Variants in CACNB1 observed in about 807,000 individuals in gnomAD.
CACNB1 encodes the protein voltage-dependent L-type calcium channel subunit beta-1.
In CACNB1, 29 loss-of-function variants were observed where a neutral mutation model predicts 71.6. The ratio of observed to expected loss-of-function variants is 0.40; its 90% confidence interval spans 0.30 to 0.55. CACNB1 has a LOEUF of 0.55. Ranked by LOEUF, CACNB1 falls within the 20% of genes least tolerant of loss-of-function variation. CACNB1 has a pLI of 0.38. For synonymous variants in CACNB1, 300 were observed against 319.6 expected (o/e 0.94, Z 0.65); for missense variants, 623 against 801.8 (o/e 0.78, Z 2.69).
At chr17:39,193,285 CAT>C (rs913788156) in intron 2 of CACNB1, 9 of 325,718 alleles carry the variant, frequency 2.8e-5, no homozygotes, top group Middle Eastern at 4.0e-4. Context: ...CATACACACA[CAT>C]ATGCAGACAC....
Position 39,175,148 on chromosome 17 carries a change from C to G in CACNB1, c.*45G>C. 1 of 1,490,378 alleles carries G rather than the reference C, an allele frequency of 6.7e-7. No individual in the cohort carries two copies. The highest frequency in any genetic ancestry group is 9.2e-7 in the Non-Finnish European group (1 of 1,087,788). The allele number at this position is 1,490,378 out of a possible 1,614,324, so 92.3% of individuals were successfully genotyped here. On this transcript the variant is annotated 3_prime_UTR_variant, in exon 14 of 14. Coordinates refer to ENST00000394303, the MANE Select transcript of CACNB1 (RefSeq NM_000723.5). The surrounding 1 kb of genome is among the most constrained non-coding windows in gnomAD (Gnocchi z 4.7). ...GTGTGAGCCCCTCGCTCCCTCCCCTCCCCTGGGCTCAGAGCCCTTCCTCCC... is the reference window on the plus strand; with the variant it reads ...GTGTGAGCCCCTCGCTCCCTCCCCTGCCCTGGGCTCAGAGCCCTTCCTCCC...
chr17:39,177,095 C>T, intron 13 of CACNB1: 2 of 1,395,334 alleles, frequency 1.4e-6, no homozygotes, highest in Admixed American at 6.1e-5. Context: ...AAGACAGCAC[C>T]AGAAGCCCCA....
At chr17:39,193,408 G>T (rs551808487) in intron 2 of CACNB1, 1 of 425,978 alleles carries the variant, frequency 2.3e-6, no homozygotes. Context: ...TTCCTGAGAG[G>T]CTGTTCTACC....
At position 39,175,777 on chromosome 17, in the gene CACNB1, C is replaced by T. The variant is rs2045562326; in HGVS notation, c.1333-120G>A. On this transcript the variant is annotated intron_variant, in intron 13 of 13. Transcript: ENST00000394303. The surrounding 1 kb of genome is among the most constrained non-coding windows in gnomAD (Gnocchi z 4.7). The stretch of plus-strand genomic sequence containing the variant: ...CCGGCCTGGATGAAGAGGGTGCTGG[C>T]TCTAGAGGAGGGGCCCCGGGGACAA... 7 of 845,666 alleles carry T rather than the reference C, an allele frequency of 8.3e-6. No homozygotes were observed. The highest frequency in any genetic ancestry group is 1.3e-5 in the Non-Finnish European group (7 of 559,782). 52.4% of individuals were successfully genotyped at this position (845,666 alleles called of 1,614,324 possible).
At chr17:39,195,719 C>T (rs974355571) in intron 1 of CACNB1, among the ~76,000 whole-genome samples, 1 of 152,168 alleles carries the variant, frequency 6.6e-6, no homozygotes, top group African/African-American at 2.4e-5. Flanking sequence ...CTACAATCCT[C>T]CCCAAGGGGG....
In CACNB1 at chr17:39,191,443, C is replaced by A. The variant is rs756140327; in HGVS notation, c.291+31G>T. ...CAGCCCAGGACTGGGGGAAATCATG[C>A]CAGCACAGCCCCTCCCCACATCTTT... On this transcript the variant is annotated intron_variant, in intron 3 of 13. Coordinates refer to ENST00000394303, the MANE Select transcript of CACNB1 (RefSeq NM_000723.5). 3.2e-6 allele frequency: 5 copies of A among 1,576,032 alleles called. No homozygotes were observed. The Admixed American group carries it at 5.9e-5, about 19-fold the overall frequency.
intron 2 of CACNB1, chr17:39,191,920 A>C: frequency 5.8e-6 from 2 of 344,712 alleles, no homozygotes; most frequent in South Asian, 6.3e-5. Flanking sequence ...ACGAGTCTCT[A>C]CTCCCACTGC....
chr17:39,192,475 G>A (rs2046103516), intron 2 of CACNB1: 1 of 152,452 alleles, frequency 6.6e-6, no homozygotes, highest in African/African-American at 2.4e-5. Flanking sequence ...GGAGGAGGGT[G>A]TGCTCTATAG....
At chr17:39,177,935 A>T (rs2045630109) in intron 12 of CACNB1, 49 bp downstream of exon 12, 1 of 1,454,086 alleles carries the variant, frequency 6.9e-7, no homozygotes, top group South Asian at 1.1e-5. Flanking sequence ...AAACCAGGAC[A>T]ACCCAAATGT....
intron 11 of CACNB1, 46 bp downstream of exon 11, chr17:39,183,667 C>G (rs1490733256): frequency 2.7e-6 from 4 of 1,480,894 alleles, no homozygotes; most frequent in Non-Finnish European, 3.6e-6. Context: ...CCAAGCAGCC[C>G]TTTCAAACCA....
chr17:39,176,424 G>A (rs1200085370), intron 13 of CACNB1, among the ~76,000 whole-genome samples: 1 of 152,172 alleles, frequency 6.6e-6, no homozygotes, highest in Non-Finnish European at 1.5e-5. Context: ...AATGTGATGG[G>A]GGTTAGACCT....
At chr17:39,190,349 C>T (rs1010269368) in intron 3 of CACNB1, among the ~76,000 whole-genome samples, 7 of 152,118 alleles carry the variant, frequency 4.6e-5, no homozygotes, top group Non-Finnish European at 1.0e-4. Context: ...CTCCAGTGAG[C>T]TGTGATCACG....
intron 3 of CACNB1, among the ~76,000 whole-genome samples, chr17:39,190,670 C>A (rs757027107): frequency 2.0e-5 from 3 of 151,596 alleles, no homozygotes; most frequent in African/African-American, 7.3e-5. Context: ...TCAAGTGATC[C>A]GCCCAACCGG....
Position 39,191,477 on chromosome 17 carries a change from G to A in CACNB1, c.288C>T (p.Ala96=), listed in dbSNP as rs749119327. Residue 96 remains alanine (A), a synonymous_variant, in exon 3 of 14, where the codon GCC becomes GCT. Transcript: ENST00000394303. ...CCCCTCCCCACATCTTTCTCACCTT[G>A]GCCTTCTCGAGCTGCGCTAATGCCT... ...ERQALAQLEK[A]KTKPVAFAVR... 4 of 1,601,954 alleles carry A rather than the reference G, an allele frequency of 2.5e-6. No homozygotes were observed. The African/African-American group carries it at 4.1e-5, about 16-fold the overall frequency.
In CACNB1 at chr17:39,191,286, C is replaced by CTT. The variant is rs953378311; in HGVS notation, c.291+186_291+187dup. Reference sequence around the variant, plus strand: ...AGTATAATAACACGCACTTATTATACTTATTATACTGTATAAGCAGGCAGG... The same window carrying CTT: ...AGTATAATAACACGCACTTATTATACTTTTATTATACTGTATAAGCAGGCAGG... On this transcript the variant is annotated intron_variant, in intron 3 of 13. Transcript: ENST00000394303. Among the ~76,000 whole-genome samples, 11 of 152,160 alleles carry CTT rather than the reference C, an allele frequency of 7.2e-5. No individual in the cohort carries two copies. In the East Asian group the frequency reaches 9.6e-4, roughly 13 times the overall value.
Position 39,197,641 on chromosome 17 carries a change from C to A in CACNB1, c.-146G>T. The A allele has an allele frequency of 3.5e-6, 2 of 579,520 alleles. No individual in the cohort carries two copies. Among genetic ancestry groups the A allele is most frequent in the Non-Finnish European group, 5.9e-6 (2 of 337,850 alleles). 35.9% of individuals were successfully genotyped at this position (579,520 alleles called of 1,614,324 possible). A position where few individuals can be genotyped will look rare whatever the true frequency, so the allele number is the denominator to read the frequency against. On this transcript the variant is annotated 5_prime_UTR_variant, in exon 1 of 14. In the 5' UTR this introduces an upstream ATG that the reference lacks. Coordinates refer to ENST00000394303, the MANE Select transcript of CACNB1 (RefSeq NM_000723.5). ...CGGCCTTCGGCTGCCTCCTTCCTGC[C>A]TTCCCTCGCTCCTCCCGCTCTCTCC...
intron 11 of CACNB1, among the ~76,000 whole-genome samples, chr17:39,183,367 A>T (rs6503495): frequency 0.073 from 10,542 of 143,466 alleles, 1,039 homozygotes; most frequent in African/African-American, 0.23. Context: ...AGAAGAAGAA[A>T]GGAAAGACCT....
At position 39,173,702 on chromosome 17, in the gene CACNB1, C is replaced by G. The variant is rs997861490; in HGVS notation, c.*1491G>C. 2 of 152,476 alleles carry G rather than the reference C, an allele frequency of 1.3e-5. No individual in the cohort carries two copies. Among genetic ancestry groups the G allele is most frequent in the African/African-American group, 4.8e-5 (2 of 41,434 alleles). The allele number at this position is 152,476 out of a possible 1,614,324, so 9.4% of individuals were successfully genotyped here. On this transcript the variant is annotated 3_prime_UTR_variant, in exon 14 of 14. Transcript: ENST00000394303. Reference sequence around the variant, plus strand: ...TGACTCAGGGCACAACATCTTCAGGCACCCACCCTTTCAACTCCCCGTGCA... The same window carrying G: ...TGACTCAGGGCACAACATCTTCAGGGACCCACCCTTTCAACTCCCCGTGCA...
chr17:39,189,387 A>C (rs2046018445), intron 3 of CACNB1, among the ~76,000 whole-genome samples: 1 of 151,690 alleles, frequency 6.6e-6, no homozygotes, highest in Non-Finnish European at 1.5e-5. Context: ...TAAAATAATA[A>C]TAATAATAAT....
Sources: gnomAD v4.1 joint callset for allele counts (sites outside exome capture counted in the v4.1 genomes callset) on GRCh38, gnomAD v4.1.1 for gene constraint, Gnocchi (gnomAD v3.1) non-coding constraint, MANE v1.5 for transcripts, NCBI Gene and HGNC (gene_info 2026-07-23, HGNC 2026-07-21) for gene names.